Variants in UNC80 observed in about 807,000 individuals in gnomAD.
UNC80 encodes unc-80 subunit of NALCN channel complex.
Under a neutral mutation model 384.6 loss-of-function variants are expected in UNC80, and 164 were observed. The ratio of observed to expected loss-of-function variants is 0.43; its 90% CI spans 0.38 to 0.49. UNC80 has a LOEUF of 0.49. Among genes scored for constraint, UNC80 ranks in the 20% least tolerant of loss-of-function variants. The pLI is 0.00. For missense variants in UNC80, 3,330 were observed against 4,143.0 expected, an observed-to-expected ratio of 0.80 and a Z score of 5.39; for synonymous variants, 1,486 against 1,527.8, an observed-to-expected ratio of 0.97 and a Z score of 0.64.
chr2:209,923,582 C>T (rs375448574), intron 35 of UNC80, among the ~76,000 whole-genome samples: 5 of 152,248 alleles, frequency 3.3e-5, no homozygotes, highest in African/African-American at 9.6e-5. Context: ...GTCAATCCTT[C>T]TCTCAGTACC....
chr2:209,956,582 A>AT (rs200094063), intron 48 of UNC80, among the ~76,000 whole-genome samples: 10,064 of 151,480 alleles, frequency 0.066, 758 homozygotes, highest in African/African-American at 0.18. Flanking sequence ...AAATTTTTTA[A>AT]TTTTTTTTAA....
At chr2:209,971,962 T>G (rs952004237) in intron 54 of UNC80, among the ~76,000 whole-genome samples, 1 of 152,216 alleles carries the variant, frequency 6.6e-6, no homozygotes, top group African/African-American at 2.4e-5. Flanking sequence ...AGTATTCTAA[T>G]TTTTCATTTA....
At chr2:209,797,387 A>G (rs1006200247) in intron 7 of UNC80, among the ~76,000 whole-genome samples, 7 of 152,014 alleles carry the variant, frequency 4.6e-5, no homozygotes, top group East Asian at 1.9e-4. Flanking sequence ...TGTGTTCTCA[A>G]TGTTCAACTC....
intron 16 of UNC80, among the ~76,000 whole-genome samples, chr2:209,832,130 GAC>G (rs1241044656): frequency 6.6e-6 from 1 of 152,074 alleles, no homozygotes; most frequent in East Asian, 1.9e-4. Flanking sequence ...CATTAAGAAT[GAC>G]ACAGTAGACT....
chr2:209,866,116 A>G (rs1406702128), intron 22 of UNC80, among the ~76,000 whole-genome samples: 5 of 152,204 alleles, frequency 3.3e-5, no homozygotes, highest in Non-Finnish European at 7.3e-5. Context: ...TAATTGAAAT[A>G]CGATATTTAT....
At chr2:209,975,984 C>A (rs1028313496) in intron 56 of UNC80, 135 bp from the exon 57 acceptor site, 5 of 917,890 alleles carry the variant, frequency 5.4e-6, no homozygotes, top group Admixed American at 2.9e-5. Flanking sequence ...GGAATACATA[C>A]GAAGTTTTTA....
rs781270794 is a variant in UNC80, at chr2:209,777,566, A to G, written c.600+7A>G. The G allele has an allele frequency of 1.3e-6, 2 of 1,597,988 alleles. No individual in the cohort carries two copies. Among genetic ancestry groups the G allele is most frequent in the Non-Finnish European group, 1.7e-6 (2 of 1,171,710 alleles). On this transcript the variant is annotated splice_region_variant and intron_variant, in intron 4 of 64. Coordinates refer to ENST00000673920, the MANE Select transcript of UNC80 (RefSeq NM_001371986.1). ...CCTGGTACACAGGATCAAGGTAAGC[A>G]GAAACCCAGTGTTAGAGCTGGAGTG...
intron 38 of UNC80, 62 bp downstream of exon 38, chr2:209,931,116 A>AT (rs1461199776): frequency 7.9e-6 from 10 of 1,260,076 alleles, no homozygotes; most frequent in Non-Finnish European, 1.1e-5. Context: ...GTCTTAGAAG[A>AT]TTTTTTTCAA....
At chr2:209,866,525 CACACACACAGAG>C (rs1462899416) in intron 22 of UNC80, among the ~76,000 whole-genome samples, 200 of 110,160 alleles carry the variant, frequency 1.8e-3, no homozygotes, top group African/African-American at 8.6e-3. Flanking sequence ...CACACACACA[CACACACACAGAG>C]AGAGAGAGAG....
intron 35 of UNC80, among the ~76,000 whole-genome samples, chr2:209,926,474 G>A (rs2090443812): frequency 6.6e-6 from 1 of 152,270 alleles, no homozygotes; most frequent in East Asian, 1.9e-4. Flanking sequence ...GAGAAATGTT[G>A]CATTAAAATT....
At chr2:209,916,849 G>A (rs983496994) in intron 31 of UNC80, among the ~76,000 whole-genome samples, 8 of 152,112 alleles carry the variant, frequency 5.3e-5, no homozygotes, top group African/African-American at 9.7e-5. Flanking sequence ...TTAGAAATGC[G>A]TTGTACTTTT....
rs2153827613 is a variant in UNC80 at position 209,817,778 on chromosome 2, A to T, written c.1553-34A>T. The T allele has an allele frequency of 3.2e-6, 5 of 1,550,084 alleles. No individual in the cohort carries two copies. In the East Asian group the frequency reaches 7.3e-5, roughly 23 times the overall value. Reference sequence around the variant, plus strand: ...TTGGCAGAATAACTTTCAGATTTTAAAACCCTCTTGTGGGGTGCTCTTATT... The same window carrying T: ...TTGGCAGAATAACTTTCAGATTTTATAACCCTCTTGTGGGGTGCTCTTATT... On this transcript the variant is annotated intron_variant, in intron 10 of 64. Coordinates refer to ENST00000673920, the MANE Select transcript of UNC80 (RefSeq NM_001371986.1).
intron 7 of UNC80, among the ~76,000 whole-genome samples, chr2:209,798,834 A>G (rs1345250338): frequency 7.0e-6 from 1 of 142,854 alleles, no homozygotes; most frequent in African/African-American, 2.6e-5. Context: ...CCCACCACCA[A>G]GCCTGGCTAA....
Position 209,917,975 on chromosome 2 carries a change from A to G in UNC80, c.5211+17A>G, listed in dbSNP as rs770776750. 2 of 1,548,764 alleles carry G rather than the reference A, an allele frequency of 1.3e-6. No individual in the cohort carries two copies. The highest frequency in any genetic ancestry group is 2.4e-5 in the South Asian group (2 of 83,926). Reference sequence around the variant, plus strand: ...ATTTTTAAGGTGAGGGATACTTCTCACAGAGGAGTTACATTAGCAAACCCA... The same window carrying G: ...ATTTTTAAGGTGAGGGATACTTCTCGCAGAGGAGTTACATTAGCAAACCCA... On this transcript the variant is annotated intron_variant, in intron 32 of 64. Transcript: ENST00000673920.
intron 60 of UNC80, 77 bp from the exon 61 acceptor site, chr2:209,984,779 T>C (rs2093246171): frequency 7.3e-7 from 1 of 1,374,716 alleles, no homozygotes; most frequent in Non-Finnish European, 9.8e-7. Context: ...AGCAGAAAAT[T>C]GCATGCCTTT....
chr2:209,848,440 C>T (rs1004263978), intron 21 of UNC80, among the ~76,000 whole-genome samples: 2 of 152,036 alleles, frequency 1.3e-5, no homozygotes, highest in East Asian at 1.9e-4. Context: ...TCTTCTGAGC[C>T]ATTTTTGAGC....
At chr2:209,866,287 A>G (rs1365865658) in intron 22 of UNC80, among the ~76,000 whole-genome samples, 1 of 151,884 alleles carries the variant, frequency 6.6e-6, no homozygotes, top group Non-Finnish European at 1.5e-5. Context: ...TCTATGCTAA[A>G]CTCTGGATAA....
chr2:209,925,581 T>A (rs1046366164), intron 35 of UNC80, among the ~76,000 whole-genome samples: 1 of 152,194 alleles, frequency 6.6e-6, no homozygotes, highest in Admixed American at 6.5e-5. Flanking sequence ...CCCTCCCACA[T>A]CCATTGGTCC....
chr2:209,959,679 G>T lies in UNC80; in HGVS notation c.7777G>T (p.Glu2593Ter), dbSNP rs1329270840. The change falls in exon 51 of 65, where the codon GAA (glutamate) becomes TAA (stop). Residue 2593 changes from glutamate to a stop codon, truncating the protein, a stop_gained. Coordinates refer to ENST00000673920, the MANE Select transcript of UNC80 (RefSeq NM_001371986.1). LOFTEE classifies it high-confidence loss of function. ...LAGEPRVIALELLDVKSHMRL... is the reference protein window; with the variant it reads ...LAGEPRVIAL ...TGGGGAGCCTCGGGTCATTGCCTTG[G>T]AACTGCTGGATGTGAAGTCTCACAT... is the stretch of plus-strand genomic sequence containing the variant. The T allele has an allele frequency of 6.4e-7, 1 of 1,551,456 alleles. No homozygotes were observed. The highest frequency in any genetic ancestry group is 8.7e-7 in the Non-Finnish European group (1 of 1,146,978).
Sources: allele counts gnomAD v4.1 joint callset (sites outside exome capture counted in the v4.1 genomes callset), GRCh38; gene constraint gnomAD v4.1.1; transcripts MANE v1.5; gene names NCBI Gene and HGNC (gene_info 2026-07-23, HGNC 2026-07-21).